Variants in FAM120B observed in about 807,000 individuals in gnomAD.
FAM120B encodes family with sequence similarity 120 member B.
A neutral mutation model predicts 96.3 loss-of-function variants in FAM120B; 83 were observed. That is an observed-to-expected ratio of 0.86 (90% CI 0.72 to 1.03). The LOEUF (loss-of-function observed/expected upper bound fraction) is 1.03, where lower values mean the gene tolerates loss of function less well. Among genes scored for constraint, FAM120B ranks in the 50% least tolerant of loss-of-function variants. The pLI, the probability that FAM120B is intolerant of heterozygous loss-of-function variation, is 0.00. For missense variants in FAM120B, 1,027 were observed against 1,121.2 expected (o/e 0.92, Z 1.20); for synonymous variants, 407 against 402.7 (o/e 1.01, Z -0.13).
rs921162692 is a variant in FAM120B at position 170,343,803 on chromosome 6, G to A, written c.2018-4348G>A. Among the ~76,000 whole-genome samples, 59 of 152,274 alleles carry A rather than the reference G, an allele frequency of 3.9e-4. 2 individuals are homozygous for A. Among genetic ancestry groups the A allele is most frequent in the African/African-American group, 1.4e-3 (57 of 41,496 alleles). ...TAAGGCTGTTGGTCTAATAAAAGAT[G>A]TGGGAGAGAGAAAAATAAAACCTGT... is the stretch of plus-strand genomic sequence containing the variant. On this transcript the variant is annotated intron_variant, in intron 4 of 10. Transcript: ENST00000476287.
At chr6:170,358,984 C>T (rs1254493796) in intron 6 of FAM120B, among the ~76,000 whole-genome samples, 2 of 152,210 alleles carry the variant, frequency 1.3e-5, no homozygotes, top group Non-Finnish European at 2.9e-5. Context: ...TAAAATTCTG[C>T]TTTATCAATG....
At position 170,400,998 on chromosome 6, in the gene FAM120B, G is replaced by A. The variant is rs147556328; in HGVS notation, c.2693-3552G>A. ...TAGACCAAAAGAACCCCCTTCCTTG[G>A]ATTGACAGGAAGCAGCTTTCTTCCG... On this transcript the variant is annotated intron_variant, in intron 9 of 10. Transcript: ENST00000476287. 1.0e-3 allele frequency among the ~76,000 whole-genome samples: 154 copies of A among 152,334 alleles called. 2 individuals carry two copies. Among genetic ancestry groups the A allele is most frequent in the South Asian group, 2.1e-3 (10 of 4,828 alleles).
chr6:170,339,470 A>G (rs1402664941), intron 4 of FAM120B, among the ~76,000 whole-genome samples: 2 of 152,084 alleles, frequency 1.3e-5, no homozygotes, highest in Admixed American at 1.3e-4. Flanking sequence ...AGGGAAAGAA[A>G]TTCTGAGTTG....
chr6:170,348,026 C>G, intron 4 of FAM120B, 125 bp from the exon 5 acceptor site: 1 of 762,518 alleles, frequency 1.3e-6, no homozygotes, highest in Non-Finnish European at 2.0e-6. Flanking sequence ...ATCATGTTTA[C>G]TTTCTAGTTC....
At chr6:170,308,398 A>C (rs1784410196) in intron 1 of FAM120B, among the ~76,000 whole-genome samples, 1 of 152,044 alleles carries the variant, frequency 6.6e-6, no homozygotes, top group South Asian at 2.1e-4. Flanking sequence ...GTTTCTAACC[A>C]CCTAATCTTC....
chr6:170,325,985 T>C (rs1170912717), intron 3 of FAM120B, among the ~76,000 whole-genome samples: 1 of 152,204 alleles, frequency 6.6e-6, no homozygotes, highest in African/African-American at 2.4e-5. Flanking sequence ...TTACTAGCAA[T>C]GTAAAAACCT....
chr6:170,304,452 C>A (rs191252183), upstream of FAM120B, among the ~76,000 whole-genome samples: 1 of 152,152 alleles, frequency 6.6e-6, no homozygotes, highest in Non-Finnish European at 1.5e-5. Flanking sequence ...TGGGCCCTTT[C>A]GATACGAGAA....
chr6:170,344,750 A>G (rs181802807), intron 4 of FAM120B, among the ~76,000 whole-genome samples: 4 of 151,952 alleles, frequency 2.6e-5, no homozygotes, highest in African/African-American at 9.7e-5. Context: ...TTCCCTTTAC[A>G]TTCCCCCAGT....
intron 5 of FAM120B, among the ~76,000 whole-genome samples, chr6:170,352,278 C>G (rs973369719): frequency 6.6e-6 from 1 of 152,160 alleles, no homozygotes; most frequent in African/African-American, 2.4e-5. Flanking sequence ...AGCACCCAGA[C>G]TCGCAAAGCA....
At chr6:170,304,201 T>C (rs112610497), upstream of FAM120B, among the ~76,000 whole-genome samples, 13 of 152,384 alleles carry the variant, frequency 8.5e-5, no homozygotes, top group African/African-American at 2.9e-4. Flanking sequence ...ATAGTGAGAG[T>C]TGAATTCTAT....
In FAM120B at chr6:170,363,207, T is replaced by A. The variant is rs780048025; in HGVS notation, c.2283+4889T>A. Among the ~76,000 whole-genome samples, 1 of 152,242 alleles carries A rather than the reference T, an allele frequency of 6.6e-6. No individual in the cohort carries two copies. Among genetic ancestry groups the A allele is most frequent in the Non-Finnish European group, 1.5e-5 (1 of 68,046 alleles). ...CGTCTCTTACACACTGAGAACTCCA[T>A]GAGCTGGTACCTTAGCCACTTTTTC... is the stretch of plus-strand genomic sequence containing the variant. On this transcript the variant is annotated intron_variant, in intron 6 of 10. Transcript: ENST00000476287. This position sits in a 1 kb window ranked among gnomAD's most constrained non-coding sequence, Gnocchi z 4.5.
chr6:170,381,326 A>G (rs1453024272), intron 6 of FAM120B, among the ~76,000 whole-genome samples: 1 of 152,162 alleles, frequency 6.6e-6, no homozygotes, highest in Non-Finnish European at 1.5e-5. Flanking sequence ...GGTGACCACA[A>G]CCCCCCAATA....
At chr6:170,340,994 C>G (rs1040293141) in intron 4 of FAM120B, among the ~76,000 whole-genome samples, 3 of 152,228 alleles carry the variant, frequency 2.0e-5, no homozygotes, top group Non-Finnish European at 4.4e-5. Context: ...CAGTCTGTCC[C>G]TCAGCAGAGC....
At chr6:170,296,588 G>A (rs1191965116) in intron 1 of FAM120B, among the ~76,000 whole-genome samples, 1 of 151,770 alleles carries the variant, frequency 6.6e-6, no homozygotes, top group East Asian at 1.9e-4. Context: ...CCGGCCCCGG[G>A]CTGTGCGAGG....
At chr6:170,333,744 C>T (rs1158376629) in intron 4 of FAM120B, among the ~76,000 whole-genome samples, 1 of 152,074 alleles carries the variant, frequency 6.6e-6, no homozygotes, top group Non-Finnish European at 1.5e-5. Context: ...CTTCTGCCTC[C>T]CAAAGTGCTG....
In FAM120B at chr6:170,349,392, A is replaced by C. The variant is rs558212711; in HGVS notation, c.2190+1069A>C. Among the ~76,000 whole-genome samples the C allele has an allele frequency of 4.7e-4, 72 of 152,332 alleles. No homozygotes were observed. The South Asian group carries it at 0.015, about 31-fold the overall frequency. ...CCTGAATTTACTTTACAAATTATTG[A>C]TTGTCTTTAAGAAATGTACTCTTAT... On this transcript the variant is annotated intron_variant, in intron 5 of 10. Coordinates refer to ENST00000476287, the MANE Select transcript of FAM120B (RefSeq NM_032448.3).
At chr6:170,314,204 T>C (rs1289423061) in intron 1 of FAM120B, among the ~76,000 whole-genome samples, 1 of 152,246 alleles carries the variant, frequency 6.6e-6, no homozygotes, top group East Asian at 1.9e-4. Context: ...TGCAGCTCCT[T>C]ACTGGGATTT....
chr6:170,360,441 C>T (rs997611918), intron 6 of FAM120B, among the ~76,000 whole-genome samples: 1 of 152,146 alleles, frequency 6.6e-6, no homozygotes, highest in Non-Finnish European at 1.5e-5. Flanking sequence ...CTTTTGACAC[C>T]CTGTCCGGGG....
intron 1 of FAM120B, among the ~76,000 whole-genome samples, chr6:170,309,332 A>C (rs921501715): frequency 3.3e-5 from 5 of 152,202 alleles, no homozygotes; most frequent in Non-Finnish European, 5.9e-5. Flanking sequence ...CTAATATGAG[A>C]AGTAAATAAT....
Sources: allele counts gnomAD v4.1 joint callset (sites outside exome capture counted in the v4.1 genomes callset), GRCh38; gene constraint gnomAD v4.1.1; non-coding constraint Gnocchi (gnomAD v3.1); transcripts MANE v1.5; gene names NCBI Gene and HGNC (gene_info 2026-07-23, HGNC 2026-07-21).